Variants in TBXAS1 observed in about 807,000 individuals in gnomAD.
TBXAS1 encodes thromboxane A synthase 1.
Under a neutral mutation model 60.7 loss-of-function variants are expected in TBXAS1, and 48 were observed. The observed-to-expected ratio is 0.79, with a 90% confidence interval of 0.63 to 1.01. TBXAS1 has a LOEUF of 1.01. TBXAS1 is among the 50% of genes least tolerant of loss of function. TBXAS1 has a pLI of 0.00. For synonymous variants in TBXAS1, 287 were observed against 269.7 expected, an observed-to-expected ratio of 1.06 and a Z score of -0.63; for missense variants, 685 against 686.3, an observed-to-expected ratio of 1.00 and a Z score of 0.02.
rs998109936 is a variant in TBXAS1 at position 140,013,210 on chromosome 7, T to C, written c.1227-2513T>C. On this transcript the variant is annotated intron_variant, in intron 10 of 12. Transcript: ENST00000448866. This position sits in a 1 kb window ranked among gnomAD's most constrained non-coding sequence, Gnocchi z 4.2. ...GACTGTTGTCTGGCAAGTGAACTGT[T>C]TGCTCACGCAAGCAAACCATTGTCC... Among the ~76,000 whole-genome samples, 1 of 152,222 alleles carries C rather than the reference T, an allele frequency of 6.6e-6. No individual in the cohort carries two copies. The highest frequency in any genetic ancestry group is 2.4e-5 in the African/African-American group (1 of 41,448).
chr7:139,984,784 A>C (rs1435317931), intron 9 of TBXAS1, among the ~76,000 whole-genome samples: 1 of 147,092 alleles, frequency 6.8e-6, no homozygotes, highest in Non-Finnish European at 1.5e-5. Context: ...AAGAAAGAAA[A>C]GAAAGAAAGA....
chr7:139,837,578 G>A (rs139620031), intron 1 of TBXAS1, among the ~76,000 whole-genome samples: 8,678 of 152,238 alleles, frequency 0.057, 361 homozygotes, highest in Middle Eastern at 0.15. Flanking sequence ...ACCAAACACC[G>A]TATGTTCTCA....
At chr7:139,886,820 CT>C (rs1357358698) in intron 3 of TBXAS1, among the ~76,000 whole-genome samples, 1 of 152,144 alleles carries the variant, frequency 6.6e-6, no homozygotes, top group Non-Finnish European at 1.5e-5. Context: ...GACATGGCCA[CT>C]AGGTTCTTCC....
intron 4 of TBXAS1, among the ~76,000 whole-genome samples, chr7:139,934,366 T>C (rs577057501): frequency 1.5e-4 from 23 of 152,178 alleles, no homozygotes; most frequent in African/African-American, 5.1e-4. Flanking sequence ...TTTTTGTATT[T>C]TAGTAGAGAC....
intron 3 of TBXAS1, among the ~76,000 whole-genome samples, chr7:139,889,433 T>C (rs528954869): frequency 1.3e-5 from 2 of 152,272 alleles, no homozygotes; most frequent in East Asian, 3.9e-4. Flanking sequence ...GGAGACAACA[T>C]GGTGATTCCA....
At chr7:139,963,134 AT>A (rs1810505400) in intron 9 of TBXAS1, 1 of 152,234 alleles carries the variant, frequency 6.6e-6, no homozygotes, top group South Asian at 2.1e-4. Flanking sequence ...GTTTTTAAAT[AT>A]TTGAAAACTG....
At chr7:140,009,929 C>T (rs1585052180) in intron 10 of TBXAS1, among the ~76,000 whole-genome samples, 1 of 41,576 alleles carries the variant, frequency 2.4e-5, no homozygotes, top group African/African-American at 1.4e-4. Context: ...CACACCTGCC[C>T]CACACCTGCC....
At chr7:139,912,536 C>T (rs1805613208) in intron 4 of TBXAS1, among the ~76,000 whole-genome samples, 1 of 152,134 alleles carries the variant, frequency 6.6e-6, no homozygotes, top group Non-Finnish European at 1.5e-5. Context: ...TCATACCTAC[C>T]ATATGCCAGG....
chr7:139,986,386 A>G (rs923928629), intron 9 of TBXAS1, among the ~76,000 whole-genome samples: 3 of 152,082 alleles, frequency 2.0e-5, no homozygotes, highest in African/African-American at 7.2e-5. Context: ...ATTTCCATAG[A>G]TTATTGGGGA....
chr7:139,791,015 G>A (rs1428431007), intron 4 of TBXAS1, among the ~76,000 whole-genome samples: 3 of 152,194 alleles, frequency 2.0e-5, no homozygotes, highest in Non-Finnish European at 4.4e-5. Flanking sequence ...TGTTGTCCAT[G>A]CTGGTCTCGA....
In TBXAS1 at chr7:139,998,912, T is replaced by C. The variant is rs1467689294; in HGVS notation, c.1135-8179T>C. ...ATCTCTGTGTTTTTATGAGACGGGT[T>C]CTGTCCCCTTCTAAAGCAGGTATAA... On this transcript the variant is annotated intron_variant, in intron 9 of 12. Coordinates refer to ENST00000448866, the MANE Select transcript of TBXAS1 (RefSeq NM_001061.7). Among the ~76,000 whole-genome samples the C allele has an allele frequency of 3.9e-5, 6 of 152,258 alleles. No individual in the cohort carries two copies. The East Asian group carries it at 1.2e-3, about 29-fold the overall frequency.
chr7:139,848,847 G>C (rs1281546871), intron 1 of TBXAS1, among the ~76,000 whole-genome samples: 1 of 152,122 alleles, frequency 6.6e-6, no homozygotes, highest in Admixed American at 6.5e-5. Flanking sequence ...CATTGATGTA[G>C]AATTTTGATA....
chr7:139,779,887 G>C (rs1796928218), intron 1 of TBXAS1, among the ~76,000 whole-genome samples: 1 of 152,154 alleles, frequency 6.6e-6, no homozygotes, highest in African/African-American at 2.4e-5. Flanking sequence ...ACCCATCTCT[G>C]TCACTGTGCC....
chr7:139,780,355 T>A (rs1796943712), intron 1 of TBXAS1, among the ~76,000 whole-genome samples: 1 of 152,244 alleles, frequency 6.6e-6, no homozygotes, highest in Admixed American at 6.5e-5. Flanking sequence ...TTTTTAATTT[T>A]AATAACCATG....
intron 9 of TBXAS1, among the ~76,000 whole-genome samples, chr7:139,987,004 C>A (rs796156013): frequency 6.6e-6 from 1 of 151,996 alleles, no homozygotes. Context: ...GAGCTAGAAT[C>A]GGTATGATGT....
intron 4 of TBXAS1, among the ~76,000 whole-genome samples, chr7:139,920,644 C>T (rs1015501919): frequency 5.3e-5 from 8 of 152,166 alleles, no homozygotes; most frequent in East Asian, 3.8e-4. Context: ...CATCAAAGGG[C>T]GGCAACCCCA....
At chr7:139,993,373 A>G (rs1585024191) in intron 9 of TBXAS1, among the ~76,000 whole-genome samples, 1 of 152,152 alleles carries the variant, frequency 6.6e-6, no homozygotes, top group East Asian at 1.9e-4. Context: ...AAAAATTCTA[A>G]TTGTATTGGG....
chr7:139,863,841 A>G (rs1801149728), intron 1 of TBXAS1, among the ~76,000 whole-genome samples: 1 of 152,236 alleles, frequency 6.6e-6, no homozygotes, highest in Admixed American at 6.5e-5. Flanking sequence ...TGGTGCTTTC[A>G]AAAGATAAAT....
At chr7:139,910,403 G>C (rs1339473011) in intron 3 of TBXAS1, among the ~76,000 whole-genome samples, 2 of 152,084 alleles carry the variant, frequency 1.3e-5, no homozygotes, top group Non-Finnish European at 2.9e-5. Context: ...TTGGGAGGCC[G>C]AGGTGGGCGG....
Sources: gnomAD v4.1 joint callset for allele counts (sites outside exome capture counted in the v4.1 genomes callset) on GRCh38, gnomAD v4.1.1 for gene constraint, Gnocchi (gnomAD v3.1) non-coding constraint, MANE v1.5 for transcripts, NCBI Gene and HGNC (gene_info 2026-07-23, HGNC 2026-07-21) for gene names.